Variants in ZNF438 observed in about 807,000 individuals in gnomAD.
ZNF438 encodes the protein zinc finger protein 438.
Under a neutral mutation model 38.0 loss-of-function variants are expected in ZNF438, and 25 were observed. The ratio of observed to expected loss-of-function variants is 0.66; its 90% confidence interval spans 0.48 to 0.92. The LOEUF (loss-of-function observed/expected upper bound fraction) is 0.92, where lower values mean the gene tolerates loss of function less well. Ranked by LOEUF, ZNF438 falls within the 40% of genes least tolerant of loss-of-function variation. The pLI is 0.00. For synonymous variants in ZNF438, 372 were observed against 364.1 expected, an observed-to-expected ratio of 1.02 and a Z score of -0.25; for missense variants, 1,007 against 999.6, an observed-to-expected ratio of 1.01 and a Z score of -0.10.
At chr10:30,998,540 C>CAAAAAAAAAAA (rs55838240) in intron 1 of ZNF438, among the ~76,000 whole-genome samples, 5 of 33,912 alleles carry the variant, frequency 1.5e-4, no homozygotes, top group East Asian at 1.1e-3. Context: ...GAGACTGTCT[C>CAAAAAAAAAAA]AAAAAAAAAA....
chr10:30,881,928 C>T (rs1588979217), intron 3 of ZNF438, among the ~76,000 whole-genome samples: 1 of 152,154 alleles, frequency 6.6e-6, no homozygotes, highest in East Asian at 1.9e-4. Flanking sequence ...TGAAATGCAT[C>T]ATATACCCAA....
intron 1 of ZNF438, among the ~76,000 whole-genome samples, chr10:31,027,898 A>G (rs531196962): frequency 3.9e-5 from 6 of 152,302 alleles, no homozygotes; most frequent in Non-Finnish European, 7.3e-5. Context: ...TAACCATAAA[A>G]TCTACGGCAG....
chr10:30,992,748 C>A (rs986249195), intron 1 of ZNF438, among the ~76,000 whole-genome samples: 1 of 152,126 alleles, frequency 6.6e-6, no homozygotes, highest in African/African-American at 2.4e-5. Context: ...TGCTCATGAC[C>A]AGAATGTTGA....
intron 4 of ZNF438, among the ~76,000 whole-genome samples, chr10:30,875,099 T>C (rs1419799790): frequency 6.6e-6 from 1 of 152,190 alleles, no homozygotes; most frequent in Non-Finnish European, 1.5e-5. Context: ...TAAGCATCTT[T>C]AGTCCCAGAA....
At chr10:30,933,982 T>C (rs1403610854) in intron 2 of ZNF438, among the ~76,000 whole-genome samples, 1 of 151,860 alleles carries the variant, frequency 6.6e-6, no homozygotes, top group East Asian at 1.9e-4. Context: ...CCGTCTCTAC[T>C]AAAAATACAA....
chr10:30,900,442 T>G (rs1475027194), intron 3 of ZNF438, among the ~76,000 whole-genome samples: 1 of 152,122 alleles, frequency 6.6e-6, no homozygotes, highest in African/African-American at 2.4e-5. Context: ...TGAATTAACC[T>G]CTTAATTAGC....
rs535828934 is a variant in ZNF438 at position 30,872,476 on chromosome 10, C to A, written c.37+4522G>T. On this transcript the variant is annotated intron_variant, in intron 4 of 5. Transcript: ENST00000413025. ...AAAAAAAAAAAAAAAAGAGGTCAGG[C>A]GCAGTGGCTGACACCTGTAATCCCA... Among the ~76,000 whole-genome samples, 12 of 131,504 alleles carry A rather than the reference C, an allele frequency of 9.1e-5. No individual in the cohort carries two copies. In the East Asian group the frequency reaches 3.1e-3, roughly 33 times the overall value. The allele number at this position is 131,504 out of a possible 152,430, so 86.3% of individuals were successfully genotyped here.
In ZNF438 at chr10:30,958,071, G is replaced by A. The variant is rs375392742; in HGVS notation, c.-191-16420C>T. On this transcript the variant is annotated intron_variant, in intron 1 of 5. Coordinates refer to ENST00000413025, the Ensembl canonical transcript of ZNF438. Reference sequence around the variant, plus strand: ...TTTCCCAATGTTGCTTTGGCTACTCGAGGTCTTTTGTAGTTCCATTTTTGG... The same window carrying A: ...TTTCCCAATGTTGCTTTGGCTACTCAAGGTCTTTTGTAGTTCCATTTTTGG... Among the ~76,000 whole-genome samples, 19 of 146,618 alleles carry A rather than the reference G, an allele frequency of 1.3e-4. No individual in the cohort carries two copies. In the East Asian group the frequency reaches 1.9e-3, roughly 15 times the overall value.
intron 1 of ZNF438, among the ~76,000 whole-genome samples, chr10:30,967,717 A>C (rs2050279600): frequency 6.6e-6 from 1 of 152,196 alleles, no homozygotes; most frequent in African/African-American, 2.4e-5. Context: ...TATCTCATGA[A>C]GGAAGGAGCG....
rs138024692 is a variant in ZNF438 at position 30,887,680 on chromosome 10, G to A, written c.-31-10615C>T. 2.3e-3 allele frequency among the ~76,000 whole-genome samples: 351 copies of A among 152,234 alleles called. 2 individuals carry two copies. The highest frequency in any genetic ancestry group is 8.2e-3 in the African/African-American group (339 of 41,536). ...TGGGATTACAGGCGTGAGCCACCGCGCCCGGCCTAAACTCCTCTTTCAAAG... is the reference window on the plus strand; with the variant it reads ...TGGGATTACAGGCGTGAGCCACCGCACCCGGCCTAAACTCCTCTTTCAAAG... On this transcript the variant is annotated intron_variant, in intron 3 of 5. Transcript: ENST00000413025.
In ZNF438 at chr10:30,894,811, G is replaced by C. The variant is rs181238467; in HGVS notation, c.-32+14122C>G. Among the ~76,000 whole-genome samples, 315 of 152,316 alleles carry C rather than the reference G, an allele frequency of 2.1e-3. 1 individual carries two copies. Among genetic ancestry groups the C allele is most frequent in the African/African-American group, 7.5e-3 (313 of 41,578 alleles). On this transcript the variant is annotated intron_variant, in intron 3 of 5. Coordinates refer to ENST00000413025, the Ensembl canonical transcript of ZNF438. ...TTCATACACTCTTGCAGTTAGAAAAGATGCTTATAGTACTTTTGTGTGCAC... is the reference window on the plus strand; with the variant it reads ...TTCATACACTCTTGCAGTTAGAAAACATGCTTATAGTACTTTTGTGTGCAC...
chr10:30,970,893 A>T (rs1324107238), intron 1 of ZNF438, among the ~76,000 whole-genome samples: 3 of 152,180 alleles, frequency 2.0e-5, no homozygotes, highest in Admixed American at 6.5e-5. Context: ...AAATCAGTCA[A>T]ATAGGACACA....
chr10:30,918,146 A>G (rs894775250), intron 2 of ZNF438, among the ~76,000 whole-genome samples: 1 of 152,160 alleles, frequency 6.6e-6, no homozygotes, highest in Non-Finnish European at 1.5e-5. Flanking sequence ...GCATTAATTT[A>G]TTAGTTTATC....
At chr10:30,969,603 T>G (rs193162615) in intron 1 of ZNF438, among the ~76,000 whole-genome samples, 1 of 152,240 alleles carries the variant, frequency 6.6e-6, no homozygotes, top group East Asian at 1.9e-4. Context: ...CCAGCAATAA[T>G]CAGTTCCCCA....
At chr10:30,965,380 T>C (rs564602864) in intron 1 of ZNF438, among the ~76,000 whole-genome samples, 1 of 151,490 alleles carries the variant, frequency 6.6e-6, no homozygotes, top group South Asian at 2.1e-4. Context: ...GTTTGGAGAG[T>C]TCTCAAAGAA....
chr10:30,958,143 T>G (rs2049074436), intron 1 of ZNF438, among the ~76,000 whole-genome samples: 2 of 146,552 alleles, frequency 1.4e-5, no homozygotes, highest in Admixed American at 1.4e-4. Context: ...CTTGTACTTT[T>G]GCTGATCTCC....
intron 3 of ZNF438, among the ~76,000 whole-genome samples, chr10:30,879,866 T>G (rs904212156): frequency 1.3e-5 from 2 of 152,058 alleles, no homozygotes; most frequent in East Asian, 3.9e-4. Context: ...CATACCAGTA[T>G]TTGAAGAGGG....
rs184569759 is a variant in ZNF438 at position 30,911,624 on chromosome 10, G to A, written c.-114-2609C>T. 1.1e-4 allele frequency among the ~76,000 whole-genome samples: 16 copies of A among 152,172 alleles called. No individual in the cohort carries two copies. In the East Asian group the frequency reaches 2.1e-3, roughly 20 times the overall value. ...CAAACTCTGCAACTGCTCAGAAAAC[G>A]ATGTTTGTGGTCAACTAGGAAACTC... On this transcript the variant is annotated intron_variant, in intron 2 of 5. Coordinates refer to ENST00000413025, the Ensembl canonical transcript of ZNF438.
intron 2 of ZNF438, among the ~76,000 whole-genome samples, chr10:30,931,583 A>G (rs908488100): frequency 5.9e-5 from 9 of 152,224 alleles, no homozygotes; most frequent in Non-Finnish European, 8.8e-5. Context: ...CCCTTTCACC[A>G]TTTAGGTCAA....
Sources: allele counts gnomAD v4.1 joint callset (sites outside exome capture counted in the v4.1 genomes callset), GRCh38; gene constraint gnomAD v4.1.1; transcripts MANE v1.5; gene names NCBI Gene and HGNC (gene_info 2026-07-23, HGNC 2026-07-21).